The following OPA1 variants were observed in gnomAD, a reference collection of about 807,000 sequenced individuals.
The protein encoded by OPA1 is dynamin-like GTPase OPA1, mitochondrial.
In OPA1, 59 loss-of-function variants were observed where a neutral mutation model predicts 152.9. The ratio of observed to expected loss-of-function variants is 0.39; its 90% CI spans 0.31 to 0.48. The LOEUF is 0.48. OPA1 is among the 20% of genes least tolerant of loss of function. OPA1 has a pLI of 0.96. For synonymous variants in OPA1, 400 were observed against 389.9 expected (o/e 1.03, Z -0.31); for missense variants, 1,008 against 1,216.8 (o/e 0.83, Z 2.55).
chr3:193,666,650 A>C (rs1188816894), intron 28 of OPA1, among the ~76,000 whole-genome samples: 2 of 152,128 alleles, frequency 1.3e-5, no homozygotes, highest in Non-Finnish European at 2.9e-5. Flanking sequence ...TTAGCCGGGC[A>C]TGGTGGCACA....
At chr3:193,613,452 C>T (rs919275396) in intron 1 of OPA1, among the ~76,000 whole-genome samples, 3 of 152,144 alleles carry the variant, frequency 2.0e-5, no homozygotes, top group African/African-American at 7.2e-5. Flanking sequence ...AAACAGCTAG[C>T]GTAATGTCTG....
chr3:193,672,197 T>G (rs570654916), intron 29 of OPA1, among the ~76,000 whole-genome samples: 1 of 152,314 alleles, frequency 6.6e-6, no homozygotes, highest in East Asian at 1.9e-4. Flanking sequence ...ATAGTTCAAT[T>G]CAAAGTTGTT....
At chr3:193,651,558 G>C (rs1212879198) in intron 21 of OPA1, among the ~76,000 whole-genome samples, 1 of 152,150 alleles carries the variant, frequency 6.6e-6, no homozygotes, top group Non-Finnish European at 1.5e-5. Context: ...AAATAAATGT[G>C]AAGAAATGGA....
intron 7 of OPA1, among the ~76,000 whole-genome samples, chr3:193,629,843 A>G (rs1731796305): frequency 6.6e-6 from 1 of 152,152 alleles, no homozygotes; most frequent in Non-Finnish European, 1.5e-5. Flanking sequence ...CCAGATGTCA[A>G]GTAATGTTGG....
chr3:193,600,202 G>A (rs1294720841), intron 1 of OPA1, among the ~76,000 whole-genome samples: 2 of 152,032 alleles, frequency 1.3e-5, no homozygotes, highest in African/African-American at 2.4e-5. Flanking sequence ...TAGAGAGATT[G>A]ACCAAAACTT....
intron 29 of OPA1, among the ~76,000 whole-genome samples, chr3:193,672,597 G>A (rs771271157): frequency 6.6e-6 from 1 of 151,996 alleles, no homozygotes; most frequent in South Asian, 2.1e-4. Context: ...GGCCGGATGC[G>A]GTGCCTCACG....
At chr3:193,686,045 TAAAA>T (rs60471435) in intron 29 of OPA1, among the ~76,000 whole-genome samples, 1 of 152,140 alleles carries the variant, frequency 6.6e-6, no homozygotes, top group Non-Finnish European at 1.5e-5. Context: ...TAGGGATTCT[TAAAA>T]AAAATTTTCA....
At chr3:193,683,834 AAACGC>A (rs1361279186) in intron 29 of OPA1, among the ~76,000 whole-genome samples, 5 of 152,242 alleles carry the variant, frequency 3.3e-5, no homozygotes, top group Non-Finnish European at 7.3e-5. Flanking sequence ...AACGTAACTT[AAACGC>A]ACCGGAAAAC....
chr3:193,634,380 T>C (rs1732605060), intron 8 of OPA1, among the ~76,000 whole-genome samples: 1 of 152,160 alleles, frequency 6.6e-6, no homozygotes, highest in Non-Finnish European at 1.5e-5. Context: ...TTTTGTCAAG[T>C]AGTTGCTTGG....
intron 11 of OPA1, among the ~76,000 whole-genome samples, chr3:193,640,176 A>T (rs1733553094): frequency 6.6e-6 from 1 of 152,174 alleles, no homozygotes; most frequent in Admixed American, 6.5e-5. Flanking sequence ...TAGTATTTAA[A>T]GTCATGATCT....
chr3:193,675,327 GAAAAAAAA>G (rs988338349), intron 29 of OPA1, among the ~76,000 whole-genome samples: 8 of 63,400 alleles, frequency 1.3e-4, no homozygotes, highest in Middle Eastern at 7.7e-3. Context: ...TTTTTTTTAA[GAAAAAAAA>G]AAAAAAAAAA....
At chr3:193,616,552 T>A (rs1729037580) in intron 3 of OPA1, among the ~76,000 whole-genome samples, 1 of 152,208 alleles carries the variant, frequency 6.6e-6, no homozygotes, top group Non-Finnish European at 1.5e-5. Flanking sequence ...TAGCTCCTTT[T>A]GATTGGATAC....
chr3:193,639,992 T>C (rs1466923670), intron 11 of OPA1, among the ~76,000 whole-genome samples: 2 of 151,798 alleles, frequency 1.3e-5, no homozygotes, highest in Non-Finnish European at 2.9e-5. Context: ...CCTGAACAAA[T>C]TGAAGGATGT....
Position 193,593,254 on chromosome 3 carries a change from G to C in OPA1, c.-124G>C. The C allele has an allele frequency of 1.0e-6, 1 of 953,212 alleles. No homozygotes were observed. Among genetic ancestry groups the C allele is most frequent in the African/African-American group, 1.7e-5 (1 of 59,012 alleles). 59.0% of individuals were successfully genotyped at this position (953,212 alleles called of 1,614,324 possible). The stretch of plus-strand genomic sequence containing the variant: ...CGCCATTGGGAGGGCCTCGGCCGCG[G>C]CTCTGTGCCCTTGCTGCTGAGGGCC... On this transcript the variant is annotated 5_prime_UTR_variant, in exon 1 of 31. Coordinates refer to ENST00000361510, the MANE Select transcript of OPA1 (RefSeq NM_130837.3).
At chr3:193,676,935 C>T (rs375450079) in intron 29 of OPA1, among the ~76,000 whole-genome samples, 14 of 136,562 alleles carry the variant, frequency 1.0e-4, no homozygotes, top group Non-Finnish European at 1.8e-4. Context: ...GAGCCGAGAT[C>T]GCGCCACTGC....
At chr3:193,631,127 G>C (rs1732010459) in intron 7 of OPA1, among the ~76,000 whole-genome samples, 1 of 152,104 alleles carries the variant, frequency 6.6e-6, no homozygotes, top group African/African-American at 2.4e-5. Flanking sequence ...TACAGAAATG[G>C]ATACAATACA....
At chr3:193,594,451 T>C (rs939816037) in intron 1 of OPA1, among the ~76,000 whole-genome samples, 3 of 152,184 alleles carry the variant, frequency 2.0e-5, no homozygotes, top group Admixed American at 1.3e-4. Flanking sequence ...GCAGTAGCGC[T>C]ATCTCGGCTC....
intron 5 of OPA1, among the ~76,000 whole-genome samples, chr3:193,618,374 A>G (rs1729408349): frequency 6.6e-6 from 1 of 152,040 alleles, no homozygotes; most frequent in Non-Finnish European, 1.5e-5. Flanking sequence ...GCTACTCGGG[A>G]GGCTGAGGCA....
At chr3:193,601,873 T>C (rs548747943) in intron 1 of OPA1, among the ~76,000 whole-genome samples, 6 of 152,276 alleles carry the variant, frequency 3.9e-5, no homozygotes, top group South Asian at 2.1e-4. Context: ...TCAGGGTGAC[T>C]CATTGGGAAA....
Sources: gnomAD v4.1 joint callset for allele counts (sites outside exome capture counted in the v4.1 genomes callset) on GRCh38, gnomAD v4.1.1 for gene constraint, MANE v1.5 for transcripts, NCBI Gene and HGNC (gene_info 2026-07-23, HGNC 2026-07-21) for gene names.